Variants in PDLIM5 observed in about 807,000 individuals in gnomAD.
PDLIM5 encodes PDZ and LIM domain protein 5.
In PDLIM5, 34 loss-of-function variants were observed where a neutral mutation model predicts 64.2. That is an observed-to-expected ratio of 0.53 (90% CI 0.40 to 0.71). The LOEUF (loss-of-function observed/expected upper bound fraction) is 0.71, where lower values mean the gene tolerates loss of function less well. Ranked by LOEUF, PDLIM5 falls within the 30% of genes least tolerant of loss-of-function variation. The pLI, the probability that PDLIM5 is intolerant of heterozygous loss-of-function variation, is 0.00. For synonymous variants in PDLIM5, 253 were observed against 269.1 expected (o/e 0.94, Z 0.59); for missense variants, 683 against 733.6 (o/e 0.93, Z 0.80).
At chr4:94,513,896 C>T (rs2110110749) in intron 2 of PDLIM5, among the ~76,000 whole-genome samples, 1 of 152,112 alleles carries the variant, frequency 6.6e-6, no homozygotes, top group East Asian at 1.9e-4. Flanking sequence ...GTGGTATGTT[C>T]CTCTATTCCC....
At chr4:94,529,036 G>A (rs1482876185) in intron 3 of PDLIM5, among the ~76,000 whole-genome samples, 1 of 152,224 alleles carries the variant, frequency 6.6e-6, no homozygotes, top group Non-Finnish European at 1.5e-5. Flanking sequence ...CAGAGAGGTA[G>A]CAGGAAGGGA....
At chr4:94,635,361 T>A (rs1373974482) in intron 8 of PDLIM5, among the ~76,000 whole-genome samples, 1 of 152,178 alleles carries the variant, frequency 6.6e-6, no homozygotes, top group African/African-American at 2.4e-5. Flanking sequence ...ACTTGCTCAT[T>A]ATTCAGTTCG....
intron 2 of PDLIM5, among the ~76,000 whole-genome samples, chr4:94,517,325 T>C (rs984535703): frequency 5.9e-5 from 9 of 152,314 alleles, no homozygotes; most frequent in South Asian, 2.1e-4. Flanking sequence ...CTGGGAAATA[T>C]GTGGGAGAGA....
chr4:94,530,682 T>C (rs555679495), intron 3 of PDLIM5, among the ~76,000 whole-genome samples: 287 of 152,196 alleles, frequency 1.9e-3, no homozygotes, highest in Middle Eastern at 3.4e-3. Flanking sequence ...CCTAGAAGAA[T>C]TGAGTTTTGA....
intron 2 of PDLIM5, among the ~76,000 whole-genome samples, chr4:94,507,828 G>A (rs900188251): frequency 9.9e-5 from 15 of 152,200 alleles, no homozygotes; most frequent in Admixed American, 9.8e-4. Context: ...CTAACGTAAT[G>A]AGTGGGAGAG....
chr4:94,498,479 A>G (rs78810658), intron 2 of PDLIM5, among the ~76,000 whole-genome samples: 2 of 145,386 alleles, frequency 1.4e-5, no homozygotes, highest in East Asian at 3.9e-4. Flanking sequence ...CATGCATGTC[A>G]CTTCTCAAAA....
intron 8 of PDLIM5, among the ~76,000 whole-genome samples, chr4:94,624,210 C>T (rs1298088892): frequency 2.0e-5 from 3 of 151,592 alleles, no homozygotes; most frequent in East Asian, 1.9e-4. Context: ...CCCAGCTGCT[C>T]GGGAGGCTGA....
intron 2 of PDLIM5, among the ~76,000 whole-genome samples, chr4:94,460,048 T>G (rs902589922): frequency 1.3e-5 from 2 of 152,226 alleles, no homozygotes; most frequent in Non-Finnish European, 1.5e-5. Flanking sequence ...TCTTGAGTAT[T>G]TTCTTTTATA....
rs141172241 is a variant in PDLIM5, at chr4:94,490,506, G to A, written c.97-33218G>A. ...TCCATATAACAGTGGAAAAAGAATT[G>A]GTTTGGTGACTCGAAGGACTTGATG... On this transcript the variant is annotated intron_variant, in intron 2 of 12. Transcript: ENST00000317968. Among the ~76,000 whole-genome samples, 1,408 of 152,050 alleles carry A rather than the reference G, an allele frequency of 9.3e-3. 16 individuals are homozygous for A. The highest frequency in any genetic ancestry group is 0.035 in the South Asian group (170 of 4,814).
chr4:94,466,804 A>C (rs1186955307), intron 2 of PDLIM5, among the ~76,000 whole-genome samples: 2 of 152,178 alleles, frequency 1.3e-5, no homozygotes, highest in Non-Finnish European at 2.9e-5. Flanking sequence ...AGTTACGTTT[A>C]TGATGCTGTA....
intron 8 of PDLIM5, among the ~76,000 whole-genome samples, chr4:94,626,547 C>T (rs576073100): frequency 5.9e-5 from 9 of 152,196 alleles, no homozygotes; most frequent in Non-Finnish European, 1.2e-4. Flanking sequence ...GGATTCTTGC[C>T]TTGGATAATA....
intron 7 of PDLIM5, chr4:94,608,031 CTTATATATT>C (rs1417101270): frequency 6.7e-7 from 1 of 1,486,016 alleles, no homozygotes; most frequent in Admixed American, 2.0e-5. Context: ...TTTCCTTTGC[CTTATATATT>C]TTACTTCTGA....
intron 3 of PDLIM5, among the ~76,000 whole-genome samples, chr4:94,531,837 A>AT (rs926084668): frequency 4.7e-4 from 72 of 151,954 alleles, no homozygotes; most frequent in African/African-American, 1.5e-3. Context: ...AGTACTTTTC[A>AT]TTTTTTACTC....
At chr4:94,608,554 G>GT (rs558420422) in intron 7 of PDLIM5, among the ~76,000 whole-genome samples, 152 of 152,204 alleles carry the variant, frequency 1.0e-3, no homozygotes, top group African/African-American at 3.5e-3. Context: ...ACTCAGATAA[G>GT]TAACTGCTTA....
At chr4:94,583,619 AG>A (rs1735921626) in intron 5 of PDLIM5, among the ~76,000 whole-genome samples, 1 of 152,220 alleles carries the variant, frequency 6.6e-6, no homozygotes, top group Non-Finnish European at 1.5e-5. Context: ...CATTTTTAAA[AG>A]AACTAGGTTT....
chr4:94,518,853 C>T (rs1729585305), intron 2 of PDLIM5, among the ~76,000 whole-genome samples: 2 of 152,256 alleles, frequency 1.3e-5, no homozygotes, highest in South Asian at 4.1e-4. Context: ...CCTCCTCTGC[C>T]TTCTATACCG....
chr4:94,456,940 G>T, intron 2 of PDLIM5: 13 of 991,304 alleles, frequency 1.3e-5, no homozygotes, highest in Non-Finnish European at 1.3e-5. Context: ...CTGTATGGAA[G>T]AGCTGGCTTT....
intron 3 of PDLIM5, among the ~76,000 whole-genome samples, chr4:94,568,004 C>T (rs967044696): frequency 2.0e-5 from 3 of 152,136 alleles, no homozygotes; most frequent in Non-Finnish European, 2.9e-5. Context: ...AGGAATAATA[C>T]GTTTCACTTT....
chr4:94,492,858 A>T (rs147883369), intron 2 of PDLIM5, among the ~76,000 whole-genome samples: 14 of 152,290 alleles, frequency 9.2e-5, no homozygotes, highest in Middle Eastern at 3.4e-3. Context: ...TTGTGTTGAC[A>T]GATATTTTTA....
Sources: allele counts gnomAD v4.1 joint callset (sites outside exome capture counted in the v4.1 genomes callset), GRCh38; gene constraint gnomAD v4.1.1; transcripts MANE v1.5; gene names NCBI Gene and HGNC (gene_info 2026-07-23, HGNC 2026-07-21).